Variants in ENPP6 observed in about 807,000 individuals in gnomAD.
The protein encoded by ENPP6 is glycerophosphocholine cholinephosphodiesterase ENPP6.
In ENPP6, 32 loss-of-function variants were observed where a neutral mutation model predicts 42.0. The observed-to-expected ratio is 0.76, with a 90% CI of 0.58 to 1.02. The LOEUF is 1.02. Among genes scored for constraint, ENPP6 ranks in the 50% least tolerant of loss-of-function variants. The probability of loss-of-function intolerance (pLI) is 0.00; values close to 1 mark genes in which losing one functional copy is unlikely to be tolerated. For missense variants in ENPP6, 552 were observed against 566.8 expected (o/e 0.97, Z 0.27); for synonymous variants, 213 against 216.0 (o/e 0.99, Z 0.12).
chr4:184,175,923 G>A (rs536424435), intron 1 of ENPP6, among the ~76,000 whole-genome samples: 12 of 152,138 alleles, frequency 7.9e-5, no homozygotes, highest in Admixed American at 5.9e-4. Flanking sequence ...GGAGAGAAAA[G>A]GTGTTGTGTA....
intron 1 of ENPP6, among the ~76,000 whole-genome samples, chr4:184,165,759 G>T (rs544666010): frequency 6.6e-6 from 1 of 152,264 alleles, no homozygotes; most frequent in South Asian, 2.1e-4. Flanking sequence ...TGAAATCAGG[G>T]GTCTCAAGAT....
intron 1 of ENPP6, among the ~76,000 whole-genome samples, chr4:184,205,324 G>A (rs2111118756): frequency 6.6e-6 from 1 of 152,374 alleles, no homozygotes; most frequent in Non-Finnish European, 1.5e-5. Flanking sequence ...GAGAGCGCTG[G>A]TGGGGTGGCT....
chr4:184,208,689 G>A (rs1050193532), intron 1 of ENPP6, among the ~76,000 whole-genome samples: 8 of 148,786 alleles, frequency 5.4e-5, no homozygotes, highest in Non-Finnish European at 7.4e-5. Flanking sequence ...GCCCAGGCTT[G>A]CTTAGGTAAA....
rs193295108 is a variant in ENPP6, at chr4:184,097,025, T to G, written c.1117+220A>C. Reference sequence around the variant, plus strand: ...CTTCACTGCACTCAGGATTTAAAATTTACAAGGCAAAGTATTTGGCTACAT... The same window carrying G: ...CTTCACTGCACTCAGGATTTAAAATGTACAAGGCAAAGTATTTGGCTACAT... On this transcript the variant is annotated intron_variant, in intron 7 of 7. Transcript: ENST00000296741. 3.6e-4 allele frequency among the ~76,000 whole-genome samples: 55 copies of G among 152,288 alleles called. No individual in the cohort carries two copies. The East Asian group carries it at 5.2e-3, about 14-fold the overall frequency.
At chr4:184,096,211 G>A (rs187071808) in intron 7 of ENPP6, among the ~76,000 whole-genome samples, 33 of 152,312 alleles carry the variant, frequency 2.2e-4, no homozygotes, top group Admixed American at 1.3e-3. Flanking sequence ...TAGAGTGAAC[G>A]ATGGTAGGCT....
intron 2 of ENPP6, among the ~76,000 whole-genome samples, chr4:184,142,568 C>T (rs936674739): frequency 2.6e-5 from 4 of 152,158 alleles, no homozygotes; most frequent in East Asian, 1.9e-4. Context: ...CTAGCCTGAG[C>T]GCAGGGTGGC....
At chr4:184,168,648 CCGCCGAGAGG>C (rs1208751364) in intron 1 of ENPP6, among the ~76,000 whole-genome samples, 1 of 152,232 alleles carries the variant, frequency 6.6e-6, no homozygotes, top group South Asian at 2.1e-4. Flanking sequence ...TCCCCGTAGT[CCGCCGAGAGG>C]CGCCAGGCTG....
At chr4:184,122,628 T>C (rs1736436920) in intron 3 of ENPP6, among the ~76,000 whole-genome samples, 2 of 152,216 alleles carry the variant, frequency 1.3e-5, no homozygotes, top group South Asian at 4.1e-4. Context: ...CCTGGGATTC[T>C]CATGGCTGTG....
Position 184,146,409 on chromosome 4 carries a change from T to G in ENPP6, c.421+7145A>C, listed in dbSNP as rs530464583. 1.3e-4 allele frequency among the ~76,000 whole-genome samples: 19 copies of G among 146,182 alleles called. No individual in the cohort carries two copies. The East Asian group carries it at 3.2e-3, about 25-fold the overall frequency. On this transcript the variant is annotated intron_variant, in intron 2 of 7. Transcript: ENST00000296741. ...TGCGCCACTGCACTCCAGCCTGGGC[T>G]CCAGAGCGAGACTCCGTTTCAAAAA...
At chr4:184,183,548 A>G (rs1485119056) in intron 1 of ENPP6, among the ~76,000 whole-genome samples, 5 of 152,182 alleles carry the variant, frequency 3.3e-5, no homozygotes, top group Non-Finnish European at 5.9e-5. Context: ...AGTTTTAAAA[A>G]TATTGCCAAG....
At chr4:184,123,358 G>C (rs956034788) in intron 3 of ENPP6, among the ~76,000 whole-genome samples, 3 of 152,002 alleles carry the variant, frequency 2.0e-5, no homozygotes, top group African/African-American at 7.3e-5. Flanking sequence ...TCCTTTTCTT[G>C]GGGGGATGAA....
At chr4:184,151,015 C>G (rs1737014957) in intron 2 of ENPP6, among the ~76,000 whole-genome samples, 1 of 152,214 alleles carries the variant, frequency 6.6e-6, no homozygotes. Context: ...TCTTTAGACA[C>G]TCAGTGCTAT....
In ENPP6 at chr4:184,153,618, T is replaced by C; in HGVS notation, c.357A>G (p.Gly119=). 6.2e-7 allele frequency: 1 copy of C among 1,614,194 alleles called. No individual in the cohort carries two copies. Among genetic ancestry groups the C allele is most frequent in the Non-Finnish European group, 8.5e-7 (1 of 1,180,038 alleles). ...KDSLMPLWWN[G]SEPLWVTLTK... ...TCAGAGTGACCCACAGAGGTTCTGA[T>C]CCATTCCACCAGAGAGGCATTAGGC... Residue 119 remains glycine, a synonymous_variant, in exon 2 of 8, where the codon GGA becomes GGG. Transcript: ENST00000296741.
chr4:184,178,676 T>C (rs900380069), intron 1 of ENPP6, among the ~76,000 whole-genome samples: 1 of 152,156 alleles, frequency 6.6e-6, no homozygotes, highest in African/African-American at 2.4e-5. Context: ...ACAGCAGACC[T>C]CTCAGCAGAA....
chr4:184,217,721 A>G lies in ENPP6; in HGVS notation c.99T>C (p.Gly33=). The G allele has an allele frequency of 1.9e-6, 3 of 1,614,104 alleles. No individual in the cohort carries two copies. ...CATCACTGATGTAGTCTGAGCGAAA[A>G]CCATCCAGCAGAAACACCAGCAGCT... ...RRKLLVFLLD[G]FRSDYISDEA... The change falls in exon 1 of 8, where the codon GGT becomes GGC. Residue 33 remains glycine (G), a synonymous_variant. Transcript: ENST00000296741.
At chr4:184,165,001 A>G (rs1418470476) in intron 1 of ENPP6, among the ~76,000 whole-genome samples, 1 of 152,130 alleles carries the variant, frequency 6.6e-6, no homozygotes, top group Non-Finnish European at 1.5e-5. Flanking sequence ...CTGGTGTTAC[A>G]CTTGCTATCA....
intron 2 of ENPP6, among the ~76,000 whole-genome samples, chr4:184,134,509 ATACAT>A (rs1242213309): frequency 6.6e-6 from 1 of 152,108 alleles, no homozygotes; most frequent in Non-Finnish European, 1.5e-5. Context: ...GTGCTTTCAA[ATACAT>A]TGGTGTAACA....
chr4:184,091,874 C>T (rs1037796004), intron 7 of ENPP6, among the ~76,000 whole-genome samples: 2 of 152,166 alleles, frequency 1.3e-5, no homozygotes, highest in Non-Finnish European at 2.9e-5. Flanking sequence ...CCAGCCTGGG[C>T]AAGAGAGCAA....
rs1212202211 is a variant in ENPP6 at position 184,132,898 on chromosome 4, T to C, written c.422-8626A>G. Among the ~76,000 whole-genome samples the C allele has an allele frequency of 2.0e-5, 3 of 151,034 alleles. No individual in the cohort carries two copies. The East Asian group carries it at 5.9e-4, about 29-fold the overall frequency. On this transcript the variant is annotated intron_variant, in intron 2 of 7. Transcript: ENST00000296741. ...CTATCATAATTTTTTGGAGACTATC[T>C]TTTATCACTTTGTGGGAGTGTCACG... is the stretch of plus-strand genomic sequence containing the variant.
Sources: gnomAD v4.1 joint callset for allele counts (sites outside exome capture counted in the v4.1 genomes callset) on GRCh38, gnomAD v4.1.1 for gene constraint, MANE v1.5 for transcripts, NCBI Gene and HGNC (gene_info 2026-07-23, HGNC 2026-07-21) for gene names.